SLC9B2: variants seen among roughly 807,000 people sequenced by gnomAD.
SLC9B2 encodes the protein sodium/hydrogen exchanger 9B2.
SLC9B2 carries 39 observed loss-of-function variants against 52.2 expected under a neutral mutation model. The observed-to-expected ratio is 0.75, with a 90% CI of 0.58 to 0.98. SLC9B2 has a LOEUF of 0.98. Among genes scored for constraint, SLC9B2 ranks in the 50% least tolerant of loss-of-function variants. The pLI, the probability that SLC9B2 is intolerant of heterozygous loss-of-function variation, is 0.00. For missense variants in SLC9B2, 626 were observed against 637.5 expected, an observed-to-expected ratio of 0.98 and a Z score of 0.19; for synonymous variants, 214 against 227.0, an observed-to-expected ratio of 0.94 and a Z score of 0.51.
At chr4:103,050,521 A>G in intron 4 of SLC9B2, 139 bp from the exon 5 acceptor site, 1 of 672,244 alleles carries the variant, frequency 1.5e-6, no homozygotes, top group Non-Finnish European at 2.2e-6. Flanking sequence ...TAAACTTTTA[A>G]GTAAAAATTA....
chr4:103,019,711 T>C (rs1426601022), downstream of SLC9B2: 7 of 985,364 alleles, frequency 7.1e-6, no homozygotes, highest in African/African-American at 3.5e-5. Flanking sequence ...AAAGCCCGGA[T>C]AGACTTCCGC....
At chr4:103,019,577 C>T, downstream of SLC9B2, 1 of 985,304 alleles carries the variant, frequency 1.0e-6, no homozygotes, top group East Asian at 1.1e-4. Context: ...GGAAGGGCGG[C>T]GTTAAGAAAA....
chr4:103,031,818 C>T lies in SLC9B2; in HGVS notation c.1147-10G>A. The T allele has an allele frequency of 1.2e-6, 2 of 1,602,896 alleles. No individual in the cohort carries two copies. The highest frequency in any genetic ancestry group is 1.7e-6 in the Non-Finnish European group (2 of 1,171,644). On this transcript the variant is annotated splice_polypyrimidine_tract_variant and intron_variant, in intron 9 of 11. Coordinates refer to ENST00000394785, the MANE Select transcript of SLC9B2 (RefSeq NM_178833.7). ...TCTTTTCAACCTCTGCCTAAAATAA[C>T]AATAAAACACACACAGATTTTTATT...
In SLC9B2 at chr4:103,026,572, G is replaced by A; in HGVS notation, c.1412C>T (p.Ala471Val). Residue 471 changes from alanine (A) to valine (V), a missense_variant, in exon 12 of 12, where the codon GCT (alanine) becomes GTT (valine). Coordinates refer to ENST00000394785, the MANE Select transcript of SLC9B2 (RefSeq NM_178833.7). Reference sequence around the variant, plus strand: ...TCCATGTGACCTTGCTGTGTCCAAAGCCACAGATCCTATTGCAGCCTATAA... The same window carrying A: ...TCCATGTGACCTTGCTGTGTCCAAAACCACAGATCCTATTGCAGCCTATAA... ...ATVQAAIGSV[A>V]LDTARSHGEK... is the part of the protein sequence containing the mutation. 2.5e-6 allele frequency: 4 copies of A among 1,613,254 alleles called. No individual in the cohort carries two copies. Among genetic ancestry groups the A allele is most frequent in the Non-Finnish European group, 3.4e-6 (4 of 1,179,540 alleles).
rs529887305 is a variant in SLC9B2 at position 103,023,373 on chromosome 4, A to G, written c.*2997T>C. Among the ~76,000 whole-genome samples, 5 of 152,222 alleles carry G rather than the reference A, an allele frequency of 3.3e-5. No homozygotes were observed. The South Asian group carries it at 6.2e-4, about 19-fold the overall frequency. On this transcript the variant is annotated 3_prime_UTR_variant, in exon 12 of 12. Coordinates refer to ENST00000394785, the MANE Select transcript of SLC9B2 (RefSeq NM_178833.7). ...TATGTATAAGGGACCCAAAAGTTAGAGTAATTGTTTCTATCTGTGGTTTAA... is the reference window on the plus strand; with the variant it reads ...TATGTATAAGGGACCCAAAAGTTAGGGTAATTGTTTCTATCTGTGGTTTAA...
At chr4:103,048,085 T>A (rs150252079) in intron 6 of SLC9B2, among the ~76,000 whole-genome samples, 1 of 152,306 alleles carries the variant, frequency 6.6e-6, no homozygotes, top group African/African-American at 2.4e-5. Context: ...GCTTGCTATG[T>A]CAAATAAGGC....
At chr4:103,044,480 G>T (rs1743925766) in intron 8 of SLC9B2, among the ~76,000 whole-genome samples, 1 of 152,070 alleles carries the variant, frequency 6.6e-6, no homozygotes, top group African/African-American at 2.4e-5. Context: ...ACTCCCAGAG[G>T]GATCCTTTTG....
rs546371010 is a variant in SLC9B2 at position 103,069,397 on chromosome 4, A to G, written c.-42-1805T>C. Among the ~76,000 whole-genome samples, 284 of 152,344 alleles carry G rather than the reference A, an allele frequency of 1.9e-3. 10 individuals are homozygous for G. The South Asian group carries it at 0.054, about 29-fold the overall frequency. ...CAAGATGGGCTGGGTTCGAATTTGG[A>G]TAAGCCTGAATTTGAAGTCCATCTA... On this transcript the variant is annotated intron_variant, in intron 1 of 11. Coordinates refer to ENST00000394785, the MANE Select transcript of SLC9B2 (RefSeq NM_178833.7).
chr4:103,050,192 T>C (rs913970281), intron 5 of SLC9B2, 48 bp downstream of exon 5: 1 of 1,497,552 alleles, frequency 6.7e-7, no homozygotes, highest in Non-Finnish European at 8.9e-7. Context: ...CCTGAAGCAT[T>C]GAAGAAACAA....
intron 1 of SLC9B2, among the ~76,000 whole-genome samples, chr4:103,073,528 T>G (rs545649163): frequency 1.3e-5 from 2 of 152,326 alleles, no homozygotes; most frequent in African/African-American, 4.8e-5. Context: ...CTAAAATGAC[T>G]AACAGTGTTT....
chr4:103,073,453 C>T (rs1053801027), intron 1 of SLC9B2, among the ~76,000 whole-genome samples: 2 of 152,128 alleles, frequency 1.3e-5, no homozygotes, highest in African/African-American at 4.8e-5. Context: ...AGGAGCCCTA[C>T]CCAGCAATGA....
intron 9 of SLC9B2, among the ~76,000 whole-genome samples, chr4:103,039,807 C>T (rs772594247): frequency 6.6e-6 from 1 of 151,476 alleles, no homozygotes; most frequent in Non-Finnish European, 1.5e-5. Context: ...CCACCATGCC[C>T]GGCTAATTTT....
chr4:103,071,289 C>T (rs1049235170), intron 1 of SLC9B2, among the ~76,000 whole-genome samples: 4 of 151,764 alleles, frequency 2.6e-5, no homozygotes, highest in African/African-American at 9.7e-5. Context: ...CTGCAACCTC[C>T]GCCTCCTCGG....
chr4:103,021,063 TGAAAAG>T (rs1174104955), downstream of SLC9B2, among the ~76,000 whole-genome samples: 1 of 152,168 alleles, frequency 6.6e-6, no homozygotes, highest in Non-Finnish European at 1.5e-5. Context: ...TTTGTACTCA[TGAAAAG>T]GAAATGTTTT....
At chr4:103,055,270 A>T (rs1316698004) in intron 4 of SLC9B2, among the ~76,000 whole-genome samples, 1 of 151,754 alleles carries the variant, frequency 6.6e-6, no homozygotes. Flanking sequence ...GGATAGCATT[A>T]GGAGATATAC....
At chr4:103,075,088 T>C (rs892865027) in intron 1 of SLC9B2, among the ~76,000 whole-genome samples, 1 of 152,180 alleles carries the variant, frequency 6.6e-6, no homozygotes, top group African/African-American at 2.4e-5. Flanking sequence ...GCAATCACAA[T>C]GAAATATGGT....
At chr4:103,058,926 G>C (rs561882974) in intron 3 of SLC9B2, among the ~76,000 whole-genome samples, 148 of 152,120 alleles carry the variant, frequency 9.7e-4, no homozygotes, top group Non-Finnish European at 1.7e-3. Flanking sequence ...AATTATCTGG[G>C]TATGGTGGTG....
intron 4 of SLC9B2, 55 bp downstream of exon 4, chr4:103,057,746 A>G (rs1745277674): frequency 6.5e-7 from 1 of 1,530,398 alleles, no homozygotes; most frequent in African/African-American, 1.4e-5. Flanking sequence ...TTTCCAAACT[A>G]TTATCTTAAA....
chr4:103,050,466 T>C (rs987721965), intron 4 of SLC9B2, 84 bp from the exon 5 acceptor site: 2 of 1,246,238 alleles, frequency 1.6e-6, no homozygotes, highest in Non-Finnish European at 2.1e-6. Flanking sequence ...CAGACTACTA[T>C]ATAATCCCAG....
Sources: gnomAD v4.1 joint callset for allele counts (sites outside exome capture counted in the v4.1 genomes callset) on GRCh38, gnomAD v4.1.1 for gene constraint, MANE v1.5 for transcripts, NCBI Gene and HGNC (gene_info 2026-07-23, HGNC 2026-07-21) for gene names.